The following SPAG16 variants were observed in gnomAD, a reference collection of about 807,000 sequenced individuals.
SPAG16 encodes sperm-associated antigen 16 protein.
SPAG16 carries 86 observed loss-of-function variants against 80.4 expected under a neutral mutation model. The ratio of observed to expected loss-of-function variants is 1.07; its 90% CI spans 0.90 to 1.28. The LOEUF (loss-of-function observed/expected upper bound fraction) is 1.28, where lower values mean the gene tolerates loss of function less well. SPAG16 is among the 50% of genes most tolerant of loss of function. SPAG16 has a pLI of 0.00. For synonymous variants in SPAG16, 294 were observed against 265.9 expected, an observed-to-expected ratio of 1.11 and a Z score of -1.03; for missense variants, 870 against 765.3, an observed-to-expected ratio of 1.14 and a Z score of -1.61.
intron 10 of SPAG16, among the ~76,000 whole-genome samples, chr2:213,724,576 G>C (rs1029204126): frequency 6.6e-6 from 1 of 151,322 alleles, no homozygotes; most frequent in East Asian, 1.9e-4. Context: ...TCCGGAGTTC[G>C]AGACCATCCT....
chr2:213,949,302 C>A (rs759194099), intron 12 of SPAG16, among the ~76,000 whole-genome samples: 1 of 149,284 alleles, frequency 6.7e-6, no homozygotes, highest in Non-Finnish European at 1.5e-5. Context: ...GCCTAAGTAT[C>A]TGGGACTACA....
intron 5 of SPAG16, among the ~76,000 whole-genome samples, chr2:213,318,149 A>G (rs559820858): frequency 1.9e-4 from 29 of 152,134 alleles, no homozygotes; most frequent in African/African-American, 6.3e-4. Flanking sequence ...ACTTCAGTCC[A>G]GCAGTTCCAC....
At chr2:213,819,106 A>C (rs1057393850) in intron 10 of SPAG16, among the ~76,000 whole-genome samples, 10 of 152,188 alleles carry the variant, frequency 6.6e-5, no homozygotes, top group African/African-American at 2.4e-4. Context: ...AAGGAGTGGA[A>C]CATTTCTTTA....
chr2:213,536,257 G>A (rs2076242521), intron 10 of SPAG16, among the ~76,000 whole-genome samples: 1 of 152,008 alleles, frequency 6.6e-6, no homozygotes, highest in South Asian at 2.1e-4. Context: ...CGTTTTTACT[G>A]TGTAAAAATC....
chr2:214,140,854 ATTGCACATAG>A (rs2055314165), intron 14 of SPAG16, among the ~76,000 whole-genome samples: 1 of 138,788 alleles, frequency 7.2e-6, no homozygotes, highest in South Asian at 2.2e-4. Flanking sequence ...TCTCTTGTAA[ATTGCACATAG>A]TTGTATTCTT....
At chr2:214,136,052 G>A (rs892487046) in intron 14 of SPAG16, among the ~76,000 whole-genome samples, 3 of 152,108 alleles carry the variant, frequency 2.0e-5, no homozygotes, top group Non-Finnish European at 2.9e-5. Context: ...GAAGGGGAGT[G>A]TAGCTGTCAC....
intron 3 of SPAG16, among the ~76,000 whole-genome samples, chr2:213,302,090 G>A (rs371772200): frequency 4.9e-4 from 74 of 152,198 alleles, no homozygotes; most frequent in Middle Eastern, 6.8e-3. Flanking sequence ...ACTTTAGAAT[G>A]TTCATAGACA....
At chr2:214,126,678 C>A (rs1024718092) in intron 14 of SPAG16, among the ~76,000 whole-genome samples, 1 of 151,690 alleles carries the variant, frequency 6.6e-6, no homozygotes, top group African/African-American at 2.4e-5. Flanking sequence ...TTAAAAGACT[C>A]TTGCCAAATT....
At chr2:214,096,602 C>A (rs976258646) in intron 13 of SPAG16, among the ~76,000 whole-genome samples, 4 of 152,110 alleles carry the variant, frequency 2.6e-5, no homozygotes, top group Admixed American at 2.6e-4. Flanking sequence ...TGCATGAAAG[C>A]TTTTTCTCTT....
chr2:214,019,662 T>C (rs2047759811), intron 13 of SPAG16, among the ~76,000 whole-genome samples: 1 of 152,204 alleles, frequency 6.6e-6, no homozygotes, highest in Non-Finnish European at 1.5e-5. Context: ...GCACCCTGCA[T>C]AGGCCTGTTG....
chr2:213,970,775 G>A (rs924017901), intron 12 of SPAG16, among the ~76,000 whole-genome samples: 3 of 152,268 alleles, frequency 2.0e-5, no homozygotes, highest in East Asian at 3.9e-4. Flanking sequence ...ACATATATAT[G>A]TTTATCATAA....
chr2:213,647,944 G>T (rs1055136093), intron 10 of SPAG16, among the ~76,000 whole-genome samples: 1 of 152,130 alleles, frequency 6.6e-6, no homozygotes, highest in Admixed American at 6.5e-5. Flanking sequence ...AGATGTGTTA[G>T]GTTTGATAGC....
At chr2:214,148,138 A>G (rs1375749784) in intron 14 of SPAG16, among the ~76,000 whole-genome samples, 1 of 152,230 alleles carries the variant, frequency 6.6e-6, no homozygotes, top group African/African-American at 2.4e-5. Context: ...AATGTGGCCA[A>G]TACTCATTCA....
chr2:213,716,175 T>A (rs1259046426), intron 10 of SPAG16, among the ~76,000 whole-genome samples: 1 of 152,170 alleles, frequency 6.6e-6, no homozygotes, highest in Non-Finnish European at 1.5e-5. Context: ...TTATAATACT[T>A]TGATTTTTCA....
intron 10 of SPAG16, among the ~76,000 whole-genome samples, chr2:213,704,500 A>G (rs2065650319): frequency 6.6e-6 from 1 of 152,144 alleles, no homozygotes; most frequent in Non-Finnish European, 1.5e-5. Flanking sequence ...TCTCAAAGAG[A>G]TCTGTCAAGA....
chr2:214,312,594 G>A (rs150383020), intron 15 of SPAG16, among the ~76,000 whole-genome samples: 14 of 152,024 alleles, frequency 9.2e-5, no homozygotes, highest in Non-Finnish European at 1.3e-4. Flanking sequence ...CCAATGTATC[G>A]ACCTCCATGT....
intron 5 of SPAG16, among the ~76,000 whole-genome samples, chr2:213,329,192 C>G (rs1420882712): frequency 6.6e-6 from 1 of 152,112 alleles, no homozygotes; most frequent in Non-Finnish European, 1.5e-5. Context: ...GTGGGCATTG[C>G]TGAAAAGATA....
intron 15 of SPAG16, among the ~76,000 whole-genome samples, chr2:214,364,804 C>A (rs1251131582): frequency 1.3e-5 from 2 of 152,060 alleles, no homozygotes; most frequent in Non-Finnish European, 2.9e-5. Context: ...TGTGGGGTCT[C>A]CTGAATGACA....
chr2:213,598,195 C>G (rs1574440586), intron 10 of SPAG16, among the ~76,000 whole-genome samples: 1 of 152,072 alleles, frequency 6.6e-6, no homozygotes, highest in Non-Finnish European at 1.5e-5. Context: ...GTGGTTCTCC[C>G]CTGTACACAT....
Sources: gnomAD v4.1 joint callset for allele counts (sites outside exome capture counted in the v4.1 genomes callset) on GRCh38, gnomAD v4.1.1 for gene constraint, MANE v1.5 for transcripts, NCBI Gene and HGNC (gene_info 2026-07-23, HGNC 2026-07-21) for gene names.